GAB2: variants seen among roughly 807,000 people sequenced by gnomAD.
The protein encoded by GAB2 is GRB2 associated binding protein 2, also known as GRB2-associated-binding protein 2.
In GAB2, 26 loss-of-function variants were observed where a neutral mutation model predicts 65.5. The observed-to-expected ratio is 0.40, with a 90% confidence interval of 0.29 to 0.55. GAB2 has a LOEUF of 0.55. Among genes scored for constraint, GAB2 ranks in the 20% least tolerant of loss-of-function variants. The probability of loss-of-function intolerance (pLI) is 0.53; values close to 1 mark genes in which losing one functional copy is unlikely to be tolerated. For synonymous variants in GAB2, 321 were observed against 329.6 expected (o/e 0.97, Z 0.28); for missense variants, 884 against 875.8 (o/e 1.01, Z -0.12).
intron 1 of GAB2, among the ~76,000 whole-genome samples, chr11:78,362,409 A>G (rs1412106447): frequency 1.3e-5 from 2 of 152,272 alleles, no homozygotes; most frequent in East Asian, 3.9e-4. Flanking sequence ...TGAAGTAGTT[A>G]GAGTGTAACT....
chr11:78,294,159 A>G (rs1472620516), intron 1 of GAB2, among the ~76,000 whole-genome samples: 2 of 152,140 alleles, frequency 1.3e-5, no homozygotes, highest in African/African-American at 4.8e-5. Flanking sequence ...ATGAGTGAGA[A>G]CATGCGGTGT....
chr11:78,221,371 C>A (rs1864416996), intron 8 of GAB2, among the ~76,000 whole-genome samples: 1 of 152,194 alleles, frequency 6.6e-6, no homozygotes, highest in South Asian at 2.1e-4. Flanking sequence ...TGAGGAGATA[C>A]CTCCAGCACT....
At chr11:78,383,343 A>G (rs1856721160) in intron 1 of GAB2, among the ~76,000 whole-genome samples, 1 of 152,226 alleles carries the variant, frequency 6.6e-6, no homozygotes, top group South Asian at 2.1e-4. Context: ...AGTAGAGAAT[A>G]CTACCATTTC....
intron 3 of GAB2, among the ~76,000 whole-genome samples, chr11:78,239,532 C>T (rs1228288076): frequency 2.0e-5 from 3 of 152,134 alleles, no homozygotes; most frequent in Non-Finnish European, 4.4e-5. Flanking sequence ...TGAACAATTA[C>T]ATTTTAGCAA....
At chr11:78,341,857 C>A in intron 1 of GAB2, 1 of 985,656 alleles carries the variant, frequency 1.0e-6, no homozygotes. Flanking sequence ...GGATCTTCTT[C>A]ATCCCACCAC....
chr11:78,257,583 T>TG (rs1865626241), intron 2 of GAB2, among the ~76,000 whole-genome samples: 1 of 152,240 alleles, frequency 6.6e-6, no homozygotes, highest in Non-Finnish European at 1.5e-5. Flanking sequence ...CACATGGAGC[T>TG]GGTTGAGACC....
intron 1 of GAB2, among the ~76,000 whole-genome samples, chr11:78,330,796 G>T (rs775944127): frequency 2.6e-5 from 4 of 151,548 alleles, no homozygotes; most frequent in Non-Finnish European, 5.9e-5. Flanking sequence ...TTCCCATAAC[G>T]TATTTTCTTA....
intron 1 of GAB2, among the ~76,000 whole-genome samples, chr11:78,321,298 C>T (rs1296915029): frequency 6.6e-6 from 1 of 152,202 alleles, no homozygotes; most frequent in African/African-American, 2.4e-5. Context: ...TGCTCTCCCA[C>T]AATCTTCTAT....
chr11:78,257,165 C>T (rs888766359), intron 2 of GAB2, among the ~76,000 whole-genome samples: 7 of 152,110 alleles, frequency 4.6e-5, no homozygotes, highest in African/African-American at 7.2e-5. Context: ...GGATTTCAGC[C>T]GAGGAGCCCA....
chr11:78,302,541 C>T (rs1174350004), intron 1 of GAB2, among the ~76,000 whole-genome samples: 4 of 151,932 alleles, frequency 2.6e-5, no homozygotes, highest in Admixed American at 6.6e-5. Context: ...ATGTTGGCAT[C>T]GATGCAGTGA....
chr11:78,309,112 A>G (rs1855433439), intron 1 of GAB2, among the ~76,000 whole-genome samples: 1 of 152,182 alleles, frequency 6.6e-6, no homozygotes, highest in Non-Finnish European at 1.5e-5. Flanking sequence ...CCCACTAGAA[A>G]TGAAAACTGC....
chr11:78,409,210 T>C (rs180918631), intron 1 of GAB2, among the ~76,000 whole-genome samples: 1 of 152,164 alleles, frequency 6.6e-6, no homozygotes, highest in Admixed American at 6.5e-5. Flanking sequence ...GCAAAAGAAA[T>C]TACCAGAGAC....
At chr11:78,332,448 T>C (rs918702494) in intron 1 of GAB2, among the ~76,000 whole-genome samples, 4 of 152,202 alleles carry the variant, frequency 2.6e-5, no homozygotes, top group Admixed American at 6.5e-5. Flanking sequence ...CCTCACTGTG[T>C]CTGAGCTTTC....
At position 78,371,459 on chromosome 11, in the gene GAB2, G is replaced by A. The variant is rs1856570473; in HGVS notation, c.75+46187C>T. ...GATGTTAGGCTCTGGCAGACATAGT[G>A]CTGCCTCTTACATAAGAGGGGCTGA... On this transcript the variant is annotated intron_variant, in intron 1 of 9. Coordinates refer to ENST00000361507, the MANE Select transcript of GAB2 (RefSeq NM_080491.3). Among the ~76,000 whole-genome samples the A allele has an allele frequency of 2.6e-5, 4 of 152,208 alleles. No homozygotes were observed. In the South Asian group the frequency reaches 6.2e-4, roughly 24 times the overall value.
intron 2 of GAB2, among the ~76,000 whole-genome samples, chr11:78,264,595 C>T (rs539297698): frequency 9.9e-5 from 15 of 151,162 alleles, no homozygotes; most frequent in East Asian, 5.9e-4. Context: ...TTAGTAGTGT[C>T]GGGGTTTCGC....
At chr11:78,389,334 G>A (rs933945785) in intron 1 of GAB2, among the ~76,000 whole-genome samples, 6 of 148,556 alleles carry the variant, frequency 4.0e-5, no homozygotes, top group Admixed American at 1.3e-4. Flanking sequence ...TTGAGACAGA[G>A]TTTTGCTCGT....
intron 1 of GAB2, among the ~76,000 whole-genome samples, chr11:78,409,429 A>T (rs998219713): frequency 6.6e-6 from 1 of 152,174 alleles, no homozygotes; most frequent in African/African-American, 2.4e-5. Context: ...TATTAAAAAT[A>T]CAAAATTAGC....
intron 1 of GAB2, among the ~76,000 whole-genome samples, chr11:78,284,328 G>A (rs1032073499): frequency 1.3e-5 from 2 of 152,118 alleles, no homozygotes; most frequent in African/African-American, 2.4e-5. Flanking sequence ...ATCCTCAACC[G>A]CAAAGTAAGA....
chr11:78,324,263 A>G (rs918414792), intron 1 of GAB2, among the ~76,000 whole-genome samples: 3 of 152,292 alleles, frequency 2.0e-5, no homozygotes, highest in South Asian at 2.1e-4. Context: ...ATGTAACACA[A>G]GCTCCCTTCG....
Sources: gnomAD v4.1 joint callset for allele counts (sites outside exome capture counted in the v4.1 genomes callset) on GRCh38, gnomAD v4.1.1 for gene constraint, MANE v1.5 for transcripts, NCBI Gene and HGNC (gene_info 2026-07-23, HGNC 2026-07-21) for gene names.